Variants in CENPV observed in about 807,000 individuals in gnomAD.
CENPV encodes centromere protein V, also known as nuclear protein p30.
In CENPV, 15 loss-of-function variants were observed where a neutral mutation model predicts 26.4. The observed-to-expected ratio is 0.57, with a 90% CI of 0.38 to 0.88. The LOEUF is 0.88. CENPV is among the 40% of genes least tolerant of loss of function. The pLI is 0.00. For synonymous variants in CENPV, 172 were observed against 165.5 expected (o/e 1.04, Z -0.30); for missense variants, 336 against 376.5 (o/e 0.89, Z 0.89).
intron 2 of CENPV, chr17:16,349,163 C>G: frequency 2.0e-6 from 2 of 989,532 alleles, no homozygotes; most frequent in South Asian, 9.3e-5. Context: ...AAACTGAAGT[C>G]CCCTCTTTTC....
rs1045490778 is a variant in CENPV at position 16,348,452 on chromosome 17, G to A, written c.579+164C>T. ...GATTACAGGCGTGAGCCACTGTGCC[G>A]GGCCCACCTTTTAAATGTCAACCTG... On this transcript the variant is annotated intron_variant, in intron 3 of 4. Coordinates refer to ENST00000299736, the MANE Select transcript of CENPV (RefSeq NM_181716.3). 33 of 1,451,396 alleles carry A rather than the reference G, an allele frequency of 2.3e-5. 1 individual carries two copies. The South Asian group carries it at 3.8e-4, about 17-fold the overall frequency. The allele number at this position is 1,451,396 out of a possible 1,614,324, so 89.9% of individuals were successfully genotyped here. A position where few individuals can be genotyped will look rare whatever the true frequency, so the allele number is the denominator to read the frequency against.
intron 3 of CENPV, chr17:16,347,789 C>G (rs2093213637): frequency 6.6e-6 from 1 of 152,030 alleles, no homozygotes. Flanking sequence ...AAAGATTTTT[C>G]ACTGTGTATA....
chr17:16,350,275 C>T (rs901787675), intron 1 of CENPV, among the ~76,000 whole-genome samples: 2 of 152,072 alleles, frequency 1.3e-5, no homozygotes, highest in Non-Finnish European at 2.9e-5. Context: ...TAAAACATTC[C>T]AAACATTTCG....
chr17:16,345,414 A>G (rs942491576), intron 3 of CENPV, among the ~76,000 whole-genome samples: 1 of 151,740 alleles, frequency 6.6e-6, no homozygotes, highest in Non-Finnish European at 1.5e-5. Context: ...ACAAAAAAAT[A>G]TAAAAATTAG....
chr17:16,344,814 A>G, intron 3 of CENPV, 103 bp from the exon 4 acceptor site: 1 of 600,208 alleles, frequency 1.7e-6, no homozygotes, highest in East Asian at 5.0e-5. Flanking sequence ...ACTGTCTCTC[A>G]GGCTGGAGTG....
At chr17:16,345,122 T>A (rs539323986) in intron 3 of CENPV, among the ~76,000 whole-genome samples, 3 of 151,032 alleles carry the variant, frequency 2.0e-5, no homozygotes, top group Non-Finnish European at 4.4e-5. Flanking sequence ...TGTAGCCGGG[T>A]GTGGTGGCAG....
chr17:16,353,372 G>GCGGAAGCCC lies in CENPV; in HGVS notation c.64_65insGGGCTTCCG (p.Gly19_Ser21dup). 8.1e-7 allele frequency: 1 copy of GCGGAAGCCC among 1,239,938 alleles called. No individual in the cohort carries two copies. The highest frequency in any genetic ancestry group is 3.6e-5 in the East Asian group (1 of 27,894). The allele number at this position is 1,239,938 out of a possible 1,614,324, so 76.8% of individuals were successfully genotyped here. On this transcript the variant is annotated inframe_insertion, in exon 1 of 5. Transcript: ENST00000299736. ...AGCGGCCGCGGAGGCCGCGGGGGCC[G>GCGGAAGCCC]CGGAGGCCCCGGACCGCTTCTGCCC...
chr17:16,344,107 C>T (rs1388346790), intron 4 of CENPV, among the ~76,000 whole-genome samples: 1 of 152,140 alleles, frequency 6.6e-6, no homozygotes, highest in Non-Finnish European at 1.5e-5. Flanking sequence ...CTTGGCCTCC[C>T]AAAGTGCTGG....
At chr17:16,344,533 T>C (rs2093196583) in intron 4 of CENPV, 64 bp downstream of exon 4, 7 of 932,266 alleles carry the variant, frequency 7.5e-6, no homozygotes, top group Non-Finnish European at 1.1e-5. Context: ...AATAAGACTT[T>C]AAATGAGAGC....
rs187256924 is a variant in CENPV at position 16,343,735 on chromosome 17, G to C, written c.695-794C>G. ...GGAGGCCCTGAAGCAATGGGGGAGCGGTAAGGATGACATCCTGCCCTGCCC... is the reference window on the plus strand; with the variant it reads ...GGAGGCCCTGAAGCAATGGGGGAGCCGTAAGGATGACATCCTGCCCTGCCC... On this transcript the variant is annotated intron_variant, in intron 4 of 4. Transcript: ENST00000299736. Among the ~76,000 whole-genome samples the C allele has an allele frequency of 3.7e-4, 57 of 152,200 alleles. No individual in the cohort carries two copies. The East Asian group carries it at 0.011, about 28-fold the overall frequency.
Position 16,342,762 on chromosome 17 carries a change from A to T in CENPV, c.*55T>A, listed in dbSNP as rs925932814. 1 of 1,610,270 alleles carries T rather than the reference A, an allele frequency of 6.2e-7. No homozygotes were observed. On this transcript the variant is annotated 3_prime_UTR_variant, in exon 5 of 5. Transcript: ENST00000299736. ...AGCACCACCGAGGCACGGCAGGGAG[A>T]GCAAAGTTGCTGGCCCCAATCATTC...
chr17:16,352,807 C>T (rs551746215), intron 1 of CENPV, among the ~76,000 whole-genome samples: 1 of 152,148 alleles, frequency 6.6e-6, no homozygotes. Context: ...AGCCCCCTTT[C>T]CATTCCCAGG....
At chr17:16,350,954 G>A (rs1027152137) in intron 1 of CENPV, 7 of 149,914 alleles carry the variant, frequency 4.7e-5, no homozygotes, top group African/African-American at 1.7e-4. Context: ...TTTTTTGAGA[G>A]GGAGTTTCAT....
In CENPV at chr17:16,345,137, CTG is replaced by C. The variant is rs1450727771; in HGVS notation, c.580-428_580-427del. On this transcript the variant is annotated intron_variant, in intron 3 of 4. Coordinates refer to ENST00000299736, the MANE Select transcript of CENPV (RefSeq NM_181716.3). The stretch of plus-strand genomic sequence containing the variant: ...TGTAGCCGGGTGTGGTGGCAGGCGC[CTG>C]TAGTCCCAGCTACTCGGGAGGCTGA... 2.6e-5 allele frequency among the ~76,000 whole-genome samples: 4 copies of C among 151,806 alleles called. No individual in the cohort carries two copies. In the East Asian group the frequency reaches 7.8e-4, roughly 30 times the overall value.
intron 2 of CENPV, chr17:16,349,703 G>A (rs1600907620): frequency 5.4e-6 from 7 of 1,287,000 alleles, no homozygotes; most frequent in Non-Finnish European, 6.9e-6. Context: ...CAAGCCCTGA[G>A]GACCCTGCTC....
At chr17:16,346,325 T>C (rs1210408148) in intron 3 of CENPV, among the ~76,000 whole-genome samples, 2 of 151,986 alleles carry the variant, frequency 1.3e-5, no homozygotes, top group East Asian at 1.9e-4. Flanking sequence ...ATTGGAAAAA[T>C]TGAAAATGTC....
In CENPV at chr17:16,353,442, C is replaced by T. The variant is rs1186480525; in HGVS notation, c.-6G>A. The T allele has an allele frequency of 9.7e-6, 11 of 1,134,850 alleles. No individual in the cohort carries two copies. The highest frequency in any genetic ancestry group is 4.9e-5 in the Admixed American group (1 of 20,318). 70.3% of individuals were successfully genotyped at this position (1,134,850 alleles called of 1,614,324 possible). A position where few individuals can be genotyped will look rare whatever the true frequency, so the allele number is the denominator to read the frequency against. On this transcript the variant is annotated 5_prime_UTR_variant, in exon 1 of 5. Coordinates refer to ENST00000299736, the MANE Select transcript of CENPV (RefSeq NM_181716.3). ...GAGCTCCTCGATCGCCGCATGGCTC[C>T]CGCAGCCTGGCGCGCAGGCCTCGCA...
intron 2 of CENPV, 51 bp from the exon 3 acceptor site, chr17:16,348,736 CTA>C (rs1170055393): frequency 6.2e-7 from 1 of 1,610,386 alleles, no homozygotes; most frequent in Middle Eastern, 1.7e-4. Context: ...CCTGCATCCT[CTA>C]TGCCTGAGCG....
In CENPV at chr17:16,353,221, C is replaced by T. The variant is rs915601250; in HGVS notation, c.216G>A (p.Glu72=). 24 of 1,380,730 alleles carry T rather than the reference C, an allele frequency of 1.7e-5. No individual in the cohort carries two copies. The African/African-American group carries it at 3.2e-4, about 18-fold the overall frequency. The allele number at this position is 1,380,730 out of a possible 1,614,324, so 85.5% of individuals were successfully genotyped here. A position where few individuals can be genotyped will look rare whatever the true frequency, so the allele number is the denominator to read the frequency against. The change falls in exon 1 of 5, where the codon GAG becomes GAA. Residue 72 remains glutamate (E), a synonymous_variant. Coordinates refer to ENST00000299736, the MANE Select transcript of CENPV (RefSeq NM_181716.3). ...GCGGCGGCGGCTCCCCCGGGCCCTC[C>T]TCCTGGGCCCGCGGCGACGAGCGCC... ...RLRRSSPRAQ[E]EGPGEPPPPE...
Sources: allele counts gnomAD v4.1 joint callset (sites outside exome capture counted in the v4.1 genomes callset), GRCh38; gene constraint gnomAD v4.1.1; transcripts MANE v1.5; gene names NCBI Gene and HGNC (gene_info 2026-07-23, HGNC 2026-07-21).